Variants in COL4A5 observed in about 807,000 individuals in gnomAD.
COL4A5 encodes the protein collagen alpha-5(IV) chain.
In COL4A5, 26 loss-of-function variants were observed where a neutral mutation model predicts 130.2. The ratio of observed to expected loss-of-function variants is 0.20; its 90% CI spans 0.15 to 0.28. COL4A5 has a LOEUF of 0.28. Ranked by LOEUF, COL4A5 falls within the 10% of genes least tolerant of loss-of-function variation. The probability of loss-of-function intolerance (pLI) is 1.00; values close to 1 mark genes in which losing one functional copy is unlikely to be tolerated. For missense variants in COL4A5, 1,131 were observed against 1,344.3 expected, an observed-to-expected ratio of 0.84 and a Z score of 2.48; for synonymous variants, 496 against 439.6, an observed-to-expected ratio of 1.13 and a Z score of -1.60.
At chrX:108,561,449 C>T (rs192349700) in intron 3 of COL4A5, among the ~76,000 whole-genome samples, 1 of 109,805 alleles carries the variant, frequency 9.1e-6, no homozygotes, top group Non-Finnish European at 1.9e-5. Context: ...AATAGCATCT[C>T]AATGTGCATA....
intron 2 of COL4A5, among the ~76,000 whole-genome samples, chrX:108,546,189 G>A (rs1181051115): frequency 8.9e-6 from 1 of 112,023 alleles, no homozygotes; most frequent in African/African-American, 3.2e-5. Flanking sequence ...AGTTGATGCA[G>A]TTTCTTCCTA....
chrX:108,516,038 G>T (rs1410316227), intron 1 of COL4A5, among the ~76,000 whole-genome samples: 1 of 111,833 alleles, frequency 8.9e-6, no homozygotes, highest in Non-Finnish European at 1.9e-5. Context: ...CTTCTTCTTT[G>T]CTGCCTGTGA....
At chrX:108,660,278 T>A (rs2050974956) in intron 37 of COL4A5, among the ~76,000 whole-genome samples, 1 of 111,707 alleles carries the variant, frequency 9.0e-6, no homozygotes, top group African/African-American at 3.2e-5. Flanking sequence ...TTCTAAATAA[T>A]TTAGCATGAG....
intron 37 of COL4A5, among the ~76,000 whole-genome samples, chrX:108,658,050 A>G (rs756807854): frequency 1.6e-3 from 177 of 110,779 alleles, no homozygotes; most frequent in Non-Finnish European, 2.3e-3. Flanking sequence ...CAGAGGGACA[A>G]TGATTGCTAT....
rs1064794446 is a variant in COL4A5 at position 108,666,537 on chromosome X, A to G, written c.3496A>G (p.Lys1166Glu). 1 of 1,209,723 alleles carries G rather than the reference A, an allele frequency of 8.3e-7. No homozygotes were observed. ...TGGGCAACCAGGGCCTCCAGGCGAAAAAGGCAAACCCGGTCAAGATGGTAT... is the reference window on the plus strand; with the variant it reads ...TGGGCAACCAGGGCCTCCAGGCGAAGAAGGCAAACCCGGTCAAGATGGTAT... The part of the protein sequence containing the change: ...HPGQPGPPGE[K>E]GKPGQDGIPG... The change falls in exon 39 of 53, where the codon AAA (lysine) becomes GAA (glutamate). Residue 1166 changes from lysine to glutamate, a missense_variant. By Grantham distance (56) the Lys-to-Glu change is moderately conservative. Transcript: ENST00000328300.
chrX:108,483,000 A>T (rs1480107366), intron 1 of COL4A5, among the ~76,000 whole-genome samples: 5 of 111,617 alleles, frequency 4.5e-5, no homozygotes, highest in Non-Finnish European at 9.4e-5. Context: ...AATTCTCTAA[A>T]TAGTTCATGC....
chrX:108,536,289 T>G (rs2065456686), intron 1 of COL4A5, among the ~76,000 whole-genome samples: 1 of 109,917 alleles, frequency 9.1e-6, no homozygotes, highest in Non-Finnish European at 1.9e-5. Flanking sequence ...GTGCACGTGC[T>G]TGCATGTGTA....
At position 108,544,029 on chromosome X, in the gene COL4A5, A is replaced by C. The variant is rs186112135; in HGVS notation, c.141+4224A>C. 9.7e-4 allele frequency among the ~76,000 whole-genome samples: 109 copies of C among 112,157 alleles called. 4 individuals are homozygous for C. In the East Asian group the frequency reaches 0.029, roughly 30 times the overall value. ...TTAGGCTGAGACGATGGGGTTTTCT[A>C]GATATACAATCATGTCATCTGCAAA... On this transcript the variant is annotated intron_variant, in intron 2 of 52. Coordinates refer to ENST00000328300, the MANE Select transcript of COL4A5 (RefSeq NM_033380.3).
At chrX:108,453,174 A>T (rs1194976753) in intron 1 of COL4A5, among the ~76,000 whole-genome samples, 2 of 111,518 alleles carry the variant, frequency 1.8e-5, no homozygotes. Flanking sequence ...CAGGGATGAA[A>T]CCCACTTGAT....
intron 36 of COL4A5, among the ~76,000 whole-genome samples, chrX:108,647,465 C>T (rs1490509677): frequency 9.0e-6 from 1 of 111,595 alleles, no homozygotes; most frequent in African/African-American, 3.3e-5. Context: ...TGCTTATCAG[C>T]TTAAGGAGAT....
At chrX:108,441,850 G>A (rs955876155) in intron 1 of COL4A5, among the ~76,000 whole-genome samples, 1 of 111,440 alleles carries the variant, frequency 9.0e-6, no homozygotes, top group Admixed American at 9.5e-5. Context: ...AACTATACAG[G>A]TATGTATAGC....
At chrX:108,490,126 A>G (rs2064981432) in intron 1 of COL4A5, among the ~76,000 whole-genome samples, 1 of 111,639 alleles carries the variant, frequency 9.0e-6, no homozygotes, top group Admixed American at 9.5e-5. Flanking sequence ...AGATTTCACC[A>G]GTTTTACTTG....
intron 44 of COL4A5, 107 bp downstream of exon 44, chrX:108,677,740 C>T (rs1467937463): frequency 5.2e-6 from 5 of 963,706 alleles, no homozygotes; most frequent in Non-Finnish European, 7.3e-6. Flanking sequence ...AGACAAGGTT[C>T]TATGTGTGGC....
chrX:108,515,099 TATAC>T (rs2065209247), intron 1 of COL4A5, among the ~76,000 whole-genome samples: 1 of 111,827 alleles, frequency 8.9e-6, no homozygotes, highest in South Asian at 3.7e-4. Flanking sequence ...CAATTTTATA[TATAC>T]ACTTACATAG....
intron 30 of COL4A5, among the ~76,000 whole-genome samples, chrX:108,619,496 C>CT (rs963503715): frequency 9.0e-6 from 1 of 111,453 alleles, no homozygotes; most frequent in Non-Finnish European, 1.9e-5. Flanking sequence ...TAAACATACT[C>CT]TTTTTTAACC....
At chrX:108,695,533 A>T (rs958517443) in intron 52 of COL4A5, 94 bp downstream of exon 52, 7 of 899,186 alleles carry the variant, frequency 7.8e-6, no homozygotes, top group Admixed American at 2.4e-5. Flanking sequence ...TCCTCAACAA[A>T]TGTTAGGAAT....
intron 1 of COL4A5, among the ~76,000 whole-genome samples, chrX:108,509,263 C>A (rs974164151): frequency 4.5e-5 from 5 of 111,317 alleles, no homozygotes; most frequent in African/African-American, 1.6e-4. Context: ...GAACAACACA[C>A]AATGGGGTCT....
chrX:108,659,886 A>G (rs768565158), intron 37 of COL4A5, among the ~76,000 whole-genome samples: 1 of 111,076 alleles, frequency 9.0e-6, no homozygotes, highest in Non-Finnish European at 1.9e-5. Flanking sequence ...TATTTAATGT[A>G]TATTGTTATG....
At position 108,667,160 on chromosome X, in the gene COL4A5, C is replaced by T. The variant is rs1466617637; in HGVS notation, c.3581C>T (p.Pro1194Leu). The change falls in exon 40 of 53, where the codon CCC (proline) becomes CTC (leucine). Residue 1194 changes from proline to leucine, a missense_variant. Physicochemically the swap from Pro to Leu is moderately conservative, Grantham distance 98 (BLOSUM62 -3). Transcript: ENST00000328300. ...PGQPGFGNPGPPGLPGLSGQK... is the reference protein window; with the variant it reads ...PGQPGFGNPGLPGLPGLSGQK... ...CAACCAGGCTTTGGAAACCCAGGAC[C>T]CCCTGGACTTCCAGGACTTTCTGGT... is the stretch of plus-strand genomic sequence containing the variant. The T allele has an allele frequency of 1.7e-6, 2 of 1,208,096 alleles. No homozygotes were observed. The highest frequency in any genetic ancestry group is 2.2e-6 in the Non-Finnish European group (2 of 893,664).
Sources: gnomAD v4.1 joint callset for allele counts (sites outside exome capture counted in the v4.1 genomes callset) on GRCh38, gnomAD v4.1.1 for gene constraint, MANE v1.5 for transcripts, NCBI Gene and HGNC (gene_info 2026-07-23, HGNC 2026-07-21) for gene names.